Variants in DOK4 observed in about 807,000 individuals in gnomAD.
DOK4 encodes downstream of tyrosine kinase 4.
Under a neutral mutation model 40.1 loss-of-function variants are expected in DOK4, and 26 were observed. That is an observed-to-expected ratio of 0.65 (90% CI 0.48 to 0.90). The LOEUF is 0.90. Ranked by LOEUF, DOK4 falls within the 40% of genes least tolerant of loss-of-function variation. The pLI, the probability that DOK4 is intolerant of heterozygous loss-of-function variation, is 0.00. For synonymous variants in DOK4, 179 were observed against 177.0 expected (o/e 1.01, Z -0.09); for missense variants, 392 against 437.2 (o/e 0.90, Z 0.92).
chr16:57,484,888 A>T (rs1196596084), intron 1 of DOK4, among the ~76,000 whole-genome samples: 1 of 152,220 alleles, frequency 6.6e-6, no homozygotes, highest in African/African-American at 2.4e-5. Flanking sequence ...CCACAGAGAG[A>T]CATCTGGAAT....
exon 1 of DOK4, chr16:57,486,470 G>A (rs1401469553): frequency 6.6e-6 from 1 of 151,878 alleles, no homozygotes; most frequent in South Asian, 1.8e-4. Context: ...ATCGGGCTCC[G>A]GCTGGGGCTC....
upstream of DOK4, chr16:57,487,230 G>T (rs1387372724): frequency 6.6e-6 from 1 of 152,216 alleles, no homozygotes; most frequent in Non-Finnish European, 1.5e-5. Context: ...CCCCCCTCTG[G>T]TTTTCACGTC....
chr16:57,476,807 A>C (rs764664282), intron 2 of DOK4, among the ~76,000 whole-genome samples: 3 of 152,150 alleles, frequency 2.0e-5, no homozygotes, highest in Non-Finnish European at 4.4e-5. Context: ...CATTCTCTGT[A>C]GCTTCAGGGA....
At chr16:57,474,878 G>C in exon 6 of DOK4, 3 of 1,614,190 alleles carry the variant, frequency 1.9e-6, no homozygotes, top group Non-Finnish European at 2.5e-6. Flanking sequence ...TTCACACGGG[G>C]GTTGTGGATG....
chr16:57,475,523 G>A, exon 4 of DOK4: 1 of 1,607,806 alleles, frequency 6.2e-7, no homozygotes, highest in Non-Finnish European at 8.5e-7. Flanking sequence ...GCAGGTGAAG[G>A]TACGTGCCGA....
rs1199614578 is a variant in DOK4 at position 57,479,550 on chromosome 16, G to A, written c.-43C>T. 1 of 1,607,328 alleles carries A rather than the reference G, an allele frequency of 6.2e-7. No individual in the cohort carries two copies. The highest frequency in any genetic ancestry group is 1.1e-5 in the South Asian group (1 of 90,930). ...GGGGCGCGGGGCCTGGCAGAGGCGA[G>A]GGGAAGGATGCCCAGGTGCCTGGGT... is the stretch of plus-strand genomic sequence containing the variant. On this transcript the variant is annotated 5_prime_UTR_variant, in exon 2 of 9. Coordinates refer to ENST00000340099, the Ensembl canonical transcript of DOK4. The surrounding 1 kb of genome is among the most constrained non-coding windows in gnomAD (Gnocchi z 5.8).
chr16:57,472,900 C>T (rs748896277), exon 9 of DOK4: 8 of 158,340 alleles, frequency 5.1e-5, no homozygotes, highest in Non-Finnish European at 1.1e-4. Flanking sequence ...TGGGAAAAGC[C>T]AGCAGTCAGA....
At chr16:57,481,446 A>G (rs1342828020) in intron 1 of DOK4, 1 of 152,340 alleles carries the variant, frequency 6.6e-6, no homozygotes, top group Non-Finnish European at 1.5e-5. Context: ...ACTGATCCCC[A>G]ACAGCTCTGC....
Position 57,485,232 on chromosome 16 carries a change from T to C in DOK4, c.-182+1073A>G, listed in dbSNP as rs753444195. ...AGAGCTGCCTCAGGGAAGAGCATGC[T>C]GCTGACATCGAGGCCAGGCCTAGTT... On this transcript the variant is annotated intron_variant, in intron 1 of 8. Transcript: ENST00000340099. The surrounding 1 kb of genome is among the most constrained non-coding windows in gnomAD (Gnocchi z 4.3). Among the ~76,000 whole-genome samples the C allele has an allele frequency of 6.6e-6, 1 of 152,240 alleles. No individual in the cohort carries two copies. Among genetic ancestry groups the C allele is most frequent in the Non-Finnish European group, 1.5e-5 (1 of 68,034 alleles).
At chr16:57,478,437 G>A (rs2031281717) in intron 2 of DOK4, 1 of 152,062 alleles carries the variant, frequency 6.6e-6, no homozygotes, top group African/African-American at 2.4e-5. Flanking sequence ...CAAGGCAATG[G>A]GAGAGAGAAG....
At chr16:57,476,315 A>G (rs1429378842) in intron 2 of DOK4, 1 of 227,302 alleles carries the variant, frequency 4.4e-6, no homozygotes, top group Non-Finnish European at 8.8e-6. Context: ...TCTCAGGGCC[A>G]CTCCTGAGAT....
rs1336437740 is a variant in DOK4 at position 57,485,844 on chromosome 16, G to T, written c.-182+461C>A. ...GGGGAGAAACCCCATAGGCAGGAGGGGGTCGGCAGTGGGGGCCAGCTGGGG... is the reference window on the plus strand; with the variant it reads ...GGGGAGAAACCCCATAGGCAGGAGGTGGTCGGCAGTGGGGGCCAGCTGGGG... On this transcript the variant is annotated intron_variant, in intron 1 of 8. Coordinates refer to ENST00000340099, the Ensembl canonical transcript of DOK4. The surrounding 1 kb of genome is among the most constrained non-coding windows in gnomAD (Gnocchi z 4.3). 2.6e-5 allele frequency among the ~76,000 whole-genome samples: 4 copies of T among 152,228 alleles called. No individual in the cohort carries two copies. Among genetic ancestry groups the T allele is most frequent in the African/African-American group, 9.6e-5 (4 of 41,468 alleles).
At chr16:57,481,605 C>G (rs2031410888) in intron 1 of DOK4, 1 of 152,246 alleles carries the variant, frequency 6.6e-6, no homozygotes, top group Non-Finnish European at 1.5e-5. Context: ...GGCTGTGGGT[C>G]TACAGTGTGG....
Position 57,482,325 on chromosome 16 carries a change from C to A in DOK4, c.-181-2637G>T, listed in dbSNP as rs1278349285. Among the ~76,000 whole-genome samples the A allele has an allele frequency of 2.7e-5, 4 of 147,204 alleles. No individual in the cohort carries two copies. The East Asian group carries it at 8.0e-4, about 29-fold the overall frequency. On this transcript the variant is annotated intron_variant, in intron 1 of 8. Transcript: ENST00000340099. ...CGCAGGTACATACCACCATGCCCAG[C>A]TAATTTTTAAAAACTTGTTTGTAGA...
chr16:57,480,599 G>A (rs1419636700), intron 1 of DOK4, among the ~76,000 whole-genome samples: 1 of 152,228 alleles, frequency 6.6e-6, no homozygotes, highest in Non-Finnish European at 1.5e-5. Flanking sequence ...TCCATGTCCT[G>A]AGCATGGGCA....
At chr16:57,474,822 A>G (rs1313133205) in exon 6 of DOK4, 1 of 1,614,160 alleles carries the variant, frequency 6.2e-7, no homozygotes, top group Non-Finnish European at 8.5e-7. Flanking sequence ...AGCGTGTGGC[A>G]TCCCGGCCAT....
intron 2 of DOK4, among the ~76,000 whole-genome samples, chr16:57,477,745 G>A (rs981775216): frequency 6.6e-5 from 10 of 152,194 alleles, no homozygotes; most frequent in Admixed American, 4.6e-4. Context: ...TAGGAGAGCC[G>A]GCTCCTGATC....
At chr16:57,476,050 G>T (rs1054744721) in intron 2 of DOK4, 93 bp from the exon 3 acceptor site, 3 of 1,075,656 alleles carry the variant, frequency 2.8e-6, no homozygotes, top group African/African-American at 3.1e-5. Context: ...CACAGGGGGC[G>T]GTGCCGCACA....
At chr16:57,477,035 G>A (rs780085897) in intron 2 of DOK4, among the ~76,000 whole-genome samples, 1 of 152,220 alleles carries the variant, frequency 6.6e-6, no homozygotes, top group Non-Finnish European at 1.5e-5. Flanking sequence ...AAGCCCGACA[G>A]AGCCTGTTCC....
Sources: gnomAD v4.1 joint callset for allele counts (sites outside exome capture counted in the v4.1 genomes callset) on GRCh38, gnomAD v4.1.1 for gene constraint, Gnocchi (gnomAD v3.1) non-coding constraint, MANE v1.5 for transcripts, NCBI Gene and HGNC (gene_info 2026-07-23, HGNC 2026-07-21) for gene names.